ACOT7: variants seen among roughly 807,000 people sequenced by gnomAD.
The protein encoded by ACOT7 is cytosolic acyl coenzyme A thioester hydrolase.
Under a neutral mutation model 40.2 loss-of-function variants are expected in ACOT7, and 12 were observed. The observed-to-expected ratio is 0.30, with a 90% CI of 0.19 to 0.48. The LOEUF is 0.48. ACOT7 is among the 20% of genes least tolerant of loss of function. ACOT7 has a pLI of 0.99. For synonymous variants in ACOT7, 228 were observed against 219.5 expected, an observed-to-expected ratio of 1.04 and a Z score of -0.34; for missense variants, 395 against 530.8, an observed-to-expected ratio of 0.74 and a Z score of 2.51.
At chr1:6,360,766 CG>C in intron 1 of ACOT7, 1 of 1,543,028 alleles carries the variant, frequency 6.5e-7, no homozygotes, top group Non-Finnish European at 8.8e-7. Context: ...TCCCTCCAGG[CG>C]GGCATTGCTG....
chr1:6,267,943 C>G (rs1218557285), intron 8 of ACOT7, among the ~76,000 whole-genome samples: 1 of 152,196 alleles, frequency 6.6e-6, no homozygotes. Flanking sequence ...AAATTTCTCC[C>G]TGCAGCCCAT....
intron 6 of ACOT7, among the ~76,000 whole-genome samples, chr1:6,313,870 T>A (rs1640411277): frequency 6.6e-6 from 1 of 152,042 alleles, no homozygotes; most frequent in Non-Finnish European, 1.5e-5. Flanking sequence ...GGGTGGCAGC[T>A]GAGCCTTTAT....
At chr1:6,376,171 C>G in intron 1 of ACOT7, among the ~76,000 whole-genome samples, 1 of 152,112 alleles carries the variant, frequency 6.6e-6, no homozygotes, top group Non-Finnish European at 1.5e-5. Flanking sequence ...AGGAGAATCA[C>G]TTGAACCTGG....
At chr1:6,314,307 A>G (rs1640422804) in intron 6 of ACOT7, among the ~76,000 whole-genome samples, 1 of 152,168 alleles carries the variant, frequency 6.6e-6, no homozygotes, top group Non-Finnish European at 1.5e-5. Context: ...CAGAAACAGG[A>G]GCTACCCCTG....
chr1:6,269,144 A>T (rs1638946280), intron 8 of ACOT7, among the ~76,000 whole-genome samples: 1 of 152,252 alleles, frequency 6.6e-6, no homozygotes, highest in Non-Finnish European at 1.5e-5. Context: ...AAGCACAGAC[A>T]GGCTGAGTAA....
At chr1:6,337,868 A>G (rs1641148128) in intron 3 of ACOT7, among the ~76,000 whole-genome samples, 1 of 152,054 alleles carries the variant, frequency 6.6e-6, no homozygotes, top group South Asian at 2.1e-4. Context: ...CCAGCTACTC[A>G]GGAGGCTGAA....
intron 8 of ACOT7, among the ~76,000 whole-genome samples, chr1:6,273,424 C>G (rs1011391877): frequency 2.0e-5 from 3 of 152,186 alleles, no homozygotes; most frequent in Admixed American, 1.3e-4. Flanking sequence ...GGTATTTTCC[C>G]ATCACAAGAC....
Position 6,333,418 on chromosome 1 carries a change from G to A in ACOT7, c.510+59C>T, listed in dbSNP as rs114467539. On this transcript the variant is annotated intron_variant, in intron 4 of 8. Transcript: ENST00000361521. ...AGCTGAACGAGCCTCCCAACATCAG[G>A]TGAGGTGACCTGATCTCTGCCATCT... is the stretch of plus-strand genomic sequence containing the variant. 2.1e-3 allele frequency: 3,370 copies of A among 1,586,608 alleles called. 61 individuals carry two copies. In the African/African-American group the frequency reaches 0.036, roughly 17 times the overall value.
Position 6,289,457 on chromosome 1 carries a change from C to T in ACOT7, c.829+5407G>A, listed in dbSNP as rs1639605345. Reference sequence around the variant, plus strand: ...ACTCTGTCACCCAGGCTGAGTGCGGCGGCACAATCACGGCTCACACTGCAG... The same window carrying T: ...ACTCTGTCACCCAGGCTGAGTGCGGTGGCACAATCACGGCTCACACTGCAG... On this transcript the variant is annotated intron_variant, in intron 7 of 8. Transcript: ENST00000361521. The surrounding 1 kb of genome is among the most constrained non-coding windows in gnomAD (Gnocchi z 4.6). 6.6e-6 allele frequency among the ~76,000 whole-genome samples: 1 copy of T among 152,068 alleles called. No individual in the cohort carries two copies. Among genetic ancestry groups the T allele is most frequent in the South Asian group, 2.1e-4 (1 of 4,820 alleles).
intron 1 of ACOT7, among the ~76,000 whole-genome samples, chr1:6,390,004 AG>A (rs1036586988): frequency 6.6e-6 from 1 of 152,140 alleles, no homozygotes; most frequent in Admixed American, 6.6e-5. Flanking sequence ...TGGCTGTGCT[AG>A]GCCAGGAGGC....
At chr1:6,385,383 C>T in intron 1 of ACOT7, 1 of 1,333,014 alleles carries the variant, frequency 7.5e-7, no homozygotes, top group Non-Finnish European at 1.0e-6. Flanking sequence ...CAACACCCGA[C>T]CCTACTACCC....
At chr1:6,308,080 C>T (rs1489781389) in intron 6 of ACOT7, among the ~76,000 whole-genome samples, 1 of 145,884 alleles carries the variant, frequency 6.9e-6, no homozygotes. Flanking sequence ...GGAACAGTGA[C>T]CAAAGGGAAC....
chr1:6,321,925 T>G (rs80021197), intron 5 of ACOT7, among the ~76,000 whole-genome samples: 4,196 of 152,274 alleles, frequency 0.028, 204 homozygotes, highest in African/African-American at 0.096. Flanking sequence ...CCACTCCTCG[T>G]GGTATTGTGG....
chr1:6,293,748 A>T (rs1639736131), intron 7 of ACOT7, among the ~76,000 whole-genome samples: 1 of 152,180 alleles, frequency 6.6e-6, no homozygotes, highest in Non-Finnish European at 1.5e-5. Flanking sequence ...AACGCCAGAG[A>T]CCTTCCTTCT....
At chr1:6,310,155 G>C (rs1403358971) in intron 6 of ACOT7, among the ~76,000 whole-genome samples, 1 of 152,244 alleles carries the variant, frequency 6.6e-6, no homozygotes, top group Non-Finnish European at 1.5e-5. Context: ...TAACAACTGA[G>C]CTGGATATTA....
chr1:6,354,181 G>A (rs990959718), intron 1 of ACOT7, among the ~76,000 whole-genome samples: 2 of 152,112 alleles, frequency 1.3e-5, no homozygotes, highest in South Asian at 4.1e-4. Context: ...CCCCTCTGGA[G>A]GTGGCATCCA....
At chr1:6,374,342 G>T (rs1371427616) in intron 1 of ACOT7, among the ~76,000 whole-genome samples, 1 of 152,250 alleles carries the variant, frequency 6.6e-6, no homozygotes, top group Non-Finnish European at 1.5e-5. Flanking sequence ...GGGACTGAAG[G>T]CATGTCCCTC....
intron 2 of ACOT7, among the ~76,000 whole-genome samples, chr1:6,340,509 C>T (rs1641247530): frequency 6.6e-6 from 1 of 152,212 alleles, no homozygotes; most frequent in African/African-American, 2.4e-5. Context: ...AACGTCACTC[C>T]TCCCATTCAA....
rs772422465 is a variant in ACOT7 at position 6,360,587 on chromosome 1, A to T, written c.144-10721T>A. 5 of 1,614,144 alleles carry T rather than the reference A, an allele frequency of 3.1e-6. No homozygotes were observed. In the South Asian group the frequency reaches 4.4e-5, roughly 14 times the overall value. On this transcript the variant is annotated intron_variant, in intron 1 of 8. Transcript: ENST00000361521. ...CAACTCACTGTTTGGCCTTCTCCCC[A>T]AAACAGGCCCTGTCGACTTCCTTTC...
Sources: allele counts gnomAD v4.1 joint callset (sites outside exome capture counted in the v4.1 genomes callset), GRCh38; gene constraint gnomAD v4.1.1; non-coding constraint Gnocchi (gnomAD v3.1); transcripts MANE v1.5; gene names NCBI Gene and HGNC (gene_info 2026-07-23, HGNC 2026-07-21).